The following RAP1GDS1 variants were observed in gnomAD, a reference collection of about 807,000 sequenced individuals.
The protein encoded by RAP1GDS1 is Rap1 GTPase-GDP dissociation stimulator 1.
A neutral mutation model predicts 71.1 loss-of-function variants in RAP1GDS1; 35 were observed. The ratio of observed to expected loss-of-function variants is 0.49; its 90% CI spans 0.38 to 0.65. The LOEUF (loss-of-function observed/expected upper bound fraction) is 0.65, where lower values mean the gene tolerates loss of function less well. Ranked by LOEUF, RAP1GDS1 falls within the 30% of genes least tolerant of loss-of-function variation. The pLI, the probability that RAP1GDS1 is intolerant of heterozygous loss-of-function variation, is 0.00. For missense variants in RAP1GDS1, 663 were observed against 706.1 expected (o/e 0.94, Z 0.69); for synonymous variants, 229 against 243.1 (o/e 0.94, Z 0.54).
intron 6 of RAP1GDS1, among the ~76,000 whole-genome samples, chr4:98,404,078 G>A (rs1745798125): frequency 6.6e-6 from 1 of 152,186 alleles, no homozygotes; most frequent in Non-Finnish European, 1.5e-5. Flanking sequence ...TGCAGAATTA[G>A]TCTTCAATAG....
chr4:98,290,794 A>G (rs1726809031), intron 1 of RAP1GDS1, among the ~76,000 whole-genome samples: 1 of 152,108 alleles, frequency 6.6e-6, no homozygotes, highest in South Asian at 2.1e-4. Context: ...AATTCTTTAT[A>G]TTGATAGGGA....
At chr4:98,282,217 C>T (rs1286344848) in intron 1 of RAP1GDS1, among the ~76,000 whole-genome samples, 1 of 152,084 alleles carries the variant, frequency 6.6e-6, no homozygotes, top group Non-Finnish European at 1.5e-5. Flanking sequence ...TGGTAGAATT[C>T]GGCTGTGAAT....
At chr4:98,317,832 T>A (rs1731176185) in intron 2 of RAP1GDS1, among the ~76,000 whole-genome samples, 2 of 144,468 alleles carry the variant, frequency 1.4e-5, no homozygotes, top group South Asian at 2.2e-4. Flanking sequence ...ATATATTTTT[T>A]TTTCTTTTCT....
At chr4:98,410,490 T>G (rs982804559) in intron 7 of RAP1GDS1, among the ~76,000 whole-genome samples, 1 of 152,236 alleles carries the variant, frequency 6.6e-6, no homozygotes, top group South Asian at 2.1e-4. Context: ...AAGCAATAGA[T>G]CCAACAATTC....
At chr4:98,325,666 G>A (rs1179940235) in intron 2 of RAP1GDS1, among the ~76,000 whole-genome samples, 16 of 148,804 alleles carry the variant, frequency 1.1e-4, no homozygotes, top group Non-Finnish European at 1.8e-4. Context: ...GTAAACTATC[G>A]CAAGAACAAA....
chr4:98,331,124 G>A (rs571766500), intron 2 of RAP1GDS1, among the ~76,000 whole-genome samples: 17 of 152,316 alleles, frequency 1.1e-4, no homozygotes, highest in South Asian at 1.0e-3. Flanking sequence ...GCAAAACCCC[G>A]TCTCCACCAA....
At chr4:98,309,569 CAAGGT>C (rs1198136684) in intron 2 of RAP1GDS1, among the ~76,000 whole-genome samples, 1 of 151,562 alleles carries the variant, frequency 6.6e-6, no homozygotes, top group East Asian at 1.9e-4. Flanking sequence ...TCTAAGTAGT[CAAGGT>C]AAGGGAAGGA....
At chr4:98,272,180 G>A (rs188010970) in intron 1 of RAP1GDS1, among the ~76,000 whole-genome samples, 141 of 152,316 alleles carry the variant, frequency 9.3e-4, no homozygotes, top group African/African-American at 3.1e-3. Flanking sequence ...GGGTTAGTGT[G>A]TAAGTAATTG....
At chr4:98,287,553 A>G (rs1285843737) in intron 1 of RAP1GDS1, among the ~76,000 whole-genome samples, 1 of 152,214 alleles carries the variant, frequency 6.6e-6, no homozygotes, top group African/African-American at 2.4e-5. Flanking sequence ...AGCAAAGACC[A>G]TGTATATGAA....
At chr4:98,283,891 G>A (rs1034833025) in intron 1 of RAP1GDS1, among the ~76,000 whole-genome samples, 2 of 149,192 alleles carry the variant, frequency 1.3e-5, no homozygotes, top group East Asian at 2.0e-4. Context: ...ACTAGCTAAC[G>A]TGTTTGGATT....
At chr4:98,305,712 C>T (rs548168446) in intron 2 of RAP1GDS1, among the ~76,000 whole-genome samples, 1 of 152,230 alleles carries the variant, frequency 6.6e-6, no homozygotes, top group South Asian at 2.1e-4. Flanking sequence ...AAAAAGGACT[C>T]TCATGTTGTG....
intron 4 of RAP1GDS1, among the ~76,000 whole-genome samples, chr4:98,363,777 AG>A (rs1739100141): frequency 6.6e-6 from 1 of 152,168 alleles, no homozygotes; most frequent in Non-Finnish European, 1.5e-5. Flanking sequence ...TTAAGAGTTA[AG>A]AAGGGAAGCA....
At chr4:98,391,060 C>G (rs1226216350) in intron 5 of RAP1GDS1, among the ~76,000 whole-genome samples, 1 of 152,076 alleles carries the variant, frequency 6.6e-6, no homozygotes, top group Non-Finnish European at 1.5e-5. Context: ...TAGTGTTTTG[C>G]ATAAACATAT....
intron 11 of RAP1GDS1, 44 bp downstream of exon 11, chr4:98,420,188 T>C (rs1308253990): frequency 7.0e-7 from 1 of 1,425,090 alleles, no homozygotes; most frequent in African/African-American, 1.4e-5. Context: ...CATATGATAG[T>C]CTTAATGTGC....
chr4:98,361,712 C>T (rs1738779809), intron 4 of RAP1GDS1, among the ~76,000 whole-genome samples: 1 of 152,134 alleles, frequency 6.6e-6, no homozygotes, highest in Admixed American at 6.5e-5. Context: ...GGTACTAGTG[C>T]TTTGGGAAAT....
At chr4:98,349,526 G>C (rs375089136) in intron 3 of RAP1GDS1, among the ~76,000 whole-genome samples, 1 of 152,118 alleles carries the variant, frequency 6.6e-6, no homozygotes, top group Non-Finnish European at 1.5e-5. Context: ...AGCTTGATGG[G>C]GATGGCATTG....
At chr4:98,277,552 G>A (rs1724409979) in intron 1 of RAP1GDS1, among the ~76,000 whole-genome samples, 1 of 151,974 alleles carries the variant, frequency 6.6e-6, no homozygotes, top group Non-Finnish European at 1.5e-5. Context: ...TTCTAGAATA[G>A]CCTGTTTTCT....
chr4:98,325,588 A>C (rs1354222620), intron 2 of RAP1GDS1, among the ~76,000 whole-genome samples: 4 of 150,752 alleles, frequency 2.7e-5, no homozygotes, highest in African/African-American at 9.7e-5. Context: ...AATACTATGC[A>C]GCCATAAAAA....
chr4:98,436,261 G>T (rs1472293477), intron 13 of RAP1GDS1, among the ~76,000 whole-genome samples: 1 of 151,958 alleles, frequency 6.6e-6, no homozygotes, highest in Non-Finnish European at 1.5e-5. Context: ...CTATTTCTGG[G>T]TCTTCCATTC....
Sources: gnomAD v4.1 joint callset for allele counts (sites outside exome capture counted in the v4.1 genomes callset) on GRCh38, gnomAD v4.1.1 for gene constraint, MANE v1.5 for transcripts, NCBI Gene and HGNC (gene_info 2026-07-23, HGNC 2026-07-21) for gene names.